LPXN: variants seen among roughly 807,000 people sequenced by gnomAD.
LPXN encodes the protein leupaxin.
Under a neutral mutation model 45.6 loss-of-function variants are expected in LPXN, and 28 were observed. The ratio of observed to expected loss-of-function variants is 0.61; its 90% CI spans 0.45 to 0.84. The LOEUF (loss-of-function observed/expected upper bound fraction) is 0.84. LPXN is among the 40% of genes least tolerant of loss of function. LPXN has a pLI of 0.00. For synonymous variants in LPXN, 166 were observed against 169.9 expected, an observed-to-expected ratio of 0.98 and a Z score of 0.18; for missense variants, 459 against 475.0, an observed-to-expected ratio of 0.97 and a Z score of 0.31.
chr11:58,578,091 C>A, upstream of LPXN: 1 of 1,546,742 alleles, frequency 6.5e-7, no homozygotes, highest in Non-Finnish European at 8.7e-7. Flanking sequence ...TCTGACCAAA[C>A]CAAGGCAAGT....
intron 7 of LPXN, among the ~76,000 whole-genome samples, chr11:58,546,182 A>C (rs1853871067): frequency 6.6e-6 from 1 of 152,206 alleles, no homozygotes; most frequent in Non-Finnish European, 1.5e-5. Context: ...TAAATAAGAA[A>C]ACTGGAACTT....
At chr11:58,547,341 C>G (rs1005718973) in intron 7 of LPXN, among the ~76,000 whole-genome samples, 3 of 152,104 alleles carry the variant, frequency 2.0e-5, no homozygotes, top group African/African-American at 7.2e-5. Context: ...CTCAAAGAAA[C>G]ATGACAAGGA....
In LPXN at chr11:58,559,478, T is replaced by C. The variant is rs368117817; in HGVS notation, c.219-4538A>G. Among the ~76,000 whole-genome samples, 33 of 152,282 alleles carry C rather than the reference T, an allele frequency of 2.2e-4. No homozygotes were observed. In the East Asian group the frequency reaches 3.7e-3, roughly 17 times the overall value. On this transcript the variant is annotated intron_variant, in intron 3 of 8. Transcript: ENST00000395074. ...AATAAATAATGGTTCATCCATGCTATAGAATAACATGCAACTGCTAAGCAG... is the reference window on the plus strand; with the variant it reads ...AATAAATAATGGTTCATCCATGCTACAGAATAACATGCAACTGCTAAGCAG...
intron 7 of LPXN, among the ~76,000 whole-genome samples, chr11:58,536,525 T>G (rs1380624215): frequency 6.6e-6 from 1 of 152,096 alleles, no homozygotes; most frequent in Non-Finnish European, 1.5e-5. Context: ...GGATTAAAGA[T>G]TTAAACGTAA....
upstream of LPXN, among the ~76,000 whole-genome samples, chr11:58,576,182 T>C (rs953089696): frequency 6.6e-6 from 1 of 152,044 alleles, no homozygotes; most frequent in South Asian, 2.1e-4. Flanking sequence ...TTTTTTCTTT[T>C]TTTTTTTTCT....
chr11:58,544,960 G>A (rs1028532989), intron 7 of LPXN, among the ~76,000 whole-genome samples: 4 of 152,142 alleles, frequency 2.6e-5, no homozygotes, highest in Non-Finnish European at 5.9e-5. Context: ...TTTCCCAGGA[G>A]GCTCAGAGGT....
At chr11:58,576,663 T>C (rs1854902126), upstream of LPXN, among the ~76,000 whole-genome samples, 1 of 152,234 alleles carries the variant, frequency 6.6e-6, no homozygotes. Context: ...TTCCCCCTTT[T>C]TACCAATGGT....
intron 7 of LPXN, among the ~76,000 whole-genome samples, chr11:58,531,935 G>A (rs938619180): frequency 2.6e-5 from 4 of 152,348 alleles, no homozygotes; most frequent in East Asian, 1.9e-4. Context: ...CTCTGCCTGC[G>A]GGGAGGTGTG....
At chr11:58,545,844 A>T (rs1853861951) in intron 7 of LPXN, among the ~76,000 whole-genome samples, 1 of 152,192 alleles carries the variant, frequency 6.6e-6, no homozygotes, top group Admixed American at 6.5e-5. Context: ...AAATCACTTT[A>T]CCTACCTGAG....
chr11:58,576,822 G>A (rs929796410), upstream of LPXN, among the ~76,000 whole-genome samples: 1 of 152,098 alleles, frequency 6.6e-6, no homozygotes, highest in African/African-American at 2.4e-5. Flanking sequence ...CCAGGCTGGC[G>A]TGCAAAGGTA....
chr11:58,577,929 C>T (rs555851774), upstream of LPXN: 1 of 1,457,770 alleles, frequency 6.9e-7, no homozygotes, highest in South Asian at 1.3e-5. Context: ...AGTAGTGGGC[C>T]TTGTGCTAGG....
chr11:58,564,439 C>T (rs1020303164), intron 2 of LPXN, among the ~76,000 whole-genome samples: 1 of 152,096 alleles, frequency 6.6e-6, no homozygotes, highest in Non-Finnish European at 1.5e-5. Flanking sequence ...CCCTCCTTGC[C>T]TAAAAACCAC....
intron 1 of LPXN, among the ~76,000 whole-genome samples, chr11:58,573,345 C>T (rs190040035): frequency 1.1e-4 from 16 of 151,876 alleles, no homozygotes; most frequent in African/African-American, 3.1e-4. Context: ...TTAGCCAGAC[C>T]CCACACCAAA....
intron 1 of LPXN, among the ~76,000 whole-genome samples, chr11:58,571,277 G>T (rs1007834610): frequency 6.6e-6 from 1 of 151,948 alleles, no homozygotes; most frequent in Admixed American, 6.6e-5. Flanking sequence ...GTGAGCCTGC[G>T]ATGAGTCGAG....
At chr11:58,577,019 TGGGCTCAA>T (rs1854911788), upstream of LPXN, among the ~76,000 whole-genome samples, 1 of 152,204 alleles carries the variant, frequency 6.6e-6, no homozygotes, top group Admixed American at 6.5e-5. Context: ...CTGGAAGTTC[TGGGCTCAA>T]GGGATCCTCC....
At chr11:58,532,366 C>A (rs1025060737) in intron 7 of LPXN, among the ~76,000 whole-genome samples, 1 of 152,256 alleles carries the variant, frequency 6.6e-6, no homozygotes, top group Admixed American at 6.5e-5. Flanking sequence ...CCGCCCGCAG[C>A]CCTGGCATGG....
chr11:58,568,088 A>C (rs920416478), intron 2 of LPXN, among the ~76,000 whole-genome samples: 5 of 152,186 alleles, frequency 3.3e-5, no homozygotes, highest in Admixed American at 3.3e-4. Flanking sequence ...ACATGAGGGC[A>C]TGAGTGGTGG....
At chr11:58,542,034 C>T (rs1183227718) in intron 7 of LPXN, among the ~76,000 whole-genome samples, 1 of 145,848 alleles carries the variant, frequency 6.9e-6, no homozygotes, top group Non-Finnish European at 1.5e-5. Flanking sequence ...ACTCTGAGGA[C>T]TGTTGTGGGG....
chr11:58,564,287 G>C (rs2120354807), intron 2 of LPXN, 86 bp from the exon 3 acceptor site: 1 of 848,070 alleles, frequency 1.2e-6, no homozygotes, highest in East Asian at 2.5e-5. Flanking sequence ...ACAGTTAATA[G>C]ATGTTTGTAG....
Sources: gnomAD v4.1 joint callset for allele counts (sites outside exome capture counted in the v4.1 genomes callset) on GRCh38, gnomAD v4.1.1 for gene constraint, MANE v1.5 for transcripts, NCBI Gene and HGNC (gene_info 2026-07-23, HGNC 2026-07-21) for gene names.